Variants in FILIP1L observed in about 807,000 individuals in gnomAD.
FILIP1L encodes filamin A-interacting protein 1-like.
A neutral mutation model predicts 96.6 loss-of-function variants in FILIP1L; 55 were observed. That is an observed-to-expected ratio of 0.57 (90% CI 0.46 to 0.71). The LOEUF (loss-of-function observed/expected upper bound fraction) is 0.71. Among genes scored for constraint, FILIP1L ranks in the 30% least tolerant of loss-of-function variants. The pLI, the probability that FILIP1L is intolerant of heterozygous loss-of-function variation, is 0.00. For synonymous variants in FILIP1L, 467 were observed against 473.9 expected (o/e 0.99, Z 0.19); for missense variants, 1,304 against 1,321.2 (o/e 0.99, Z 0.20).
chr3:99,925,832 T>C, intron 3 of FILIP1L: 1 of 985,368 alleles, frequency 1.0e-6, no homozygotes, highest in Non-Finnish European at 1.2e-6. Context: ...CACAGTCAGA[T>C]GGAGTTAGAC....
chr3:100,041,658 A>G (rs956781146), intron 1 of FILIP1L, among the ~76,000 whole-genome samples: 6 of 152,176 alleles, frequency 3.9e-5, no homozygotes, highest in Admixed American at 3.9e-4. Context: ...AAGAAAATAG[A>G]ATTACTTGTA....
chr3:100,001,312 T>C (rs1337106954), intron 1 of FILIP1L, among the ~76,000 whole-genome samples: 2 of 152,226 alleles, frequency 1.3e-5, no homozygotes, highest in African/African-American at 4.8e-5. Flanking sequence ...ACATATTATC[T>C]ATCGCTGTTT....
intron 1 of FILIP1L, among the ~76,000 whole-genome samples, chr3:99,995,499 C>A (rs1055608767): frequency 6.6e-6 from 1 of 152,188 alleles, no homozygotes; most frequent in Non-Finnish European, 1.5e-5. Flanking sequence ...ATTCTGGGGT[C>A]TGGAGGATGG....
Position 100,033,633 on chromosome 3 carries a change from G to A in FILIP1L, c.-11+80420C>T, listed in dbSNP as rs16841897. Among the ~76,000 whole-genome samples the A allele has an allele frequency of 5.0e-3, 754 of 152,210 alleles. 5 individuals are homozygous for A. Among genetic ancestry groups the A allele is most frequent in the African/African-American group, 0.017 (709 of 41,528 alleles). On this transcript the variant is annotated intron_variant, in intron 1 of 5. Transcript: ENST00000477258. ...TAGCCTGAAAAGCAGATATTAGGAC[G>A]GGAGCTTTTTAAATGGTCAGTAGGA...
chr3:100,111,779 A>ATAGCT (rs1489350945), intron 1 of FILIP1L, among the ~76,000 whole-genome samples: 1 of 152,208 alleles, frequency 6.6e-6, no homozygotes, highest in Non-Finnish European at 1.5e-5. Context: ...TCTAACATCT[A>ATAGCT]TAGCTTGCAC....
chr3:100,056,960 C>T (rs1264967166), intron 1 of FILIP1L, among the ~76,000 whole-genome samples: 1 of 152,048 alleles, frequency 6.6e-6, no homozygotes, highest in Admixed American at 6.5e-5. Flanking sequence ...GCCGAGATCG[C>T]ACCACTGCAC....
intron 1 of FILIP1L, among the ~76,000 whole-genome samples, chr3:100,084,595 T>A (rs2065978707): frequency 6.6e-6 from 1 of 152,184 alleles, no homozygotes; most frequent in Non-Finnish European, 1.5e-5. Flanking sequence ...TAAACAGAGC[T>A]TTATAAAGAG....
intron 1 of FILIP1L, among the ~76,000 whole-genome samples, chr3:100,090,564 C>T (rs147479716): frequency 0.011 from 1,621 of 152,312 alleles, 33 homozygotes; most frequent in African/African-American, 0.036. Flanking sequence ...GTTCTGCAAT[C>T]CCCTGCCTGG....
intron 4 of FILIP1L, among the ~76,000 whole-genome samples, chr3:99,873,241 ACAAT>A (rs1340728753): frequency 2.6e-5 from 4 of 152,250 alleles, no homozygotes; most frequent in East Asian, 1.9e-4. Context: ...CAAAAACTAA[ACAAT>A]CAGTTTAAAT....
At chr3:99,890,668 T>C (rs548883286) in intron 4 of FILIP1L, among the ~76,000 whole-genome samples, 1 of 152,246 alleles carries the variant, frequency 6.6e-6, no homozygotes, top group African/African-American at 2.4e-5. Flanking sequence ...TCTATTTGTT[T>C]TTCTAGTTTG....
intron 5 of FILIP1L, among the ~76,000 whole-genome samples, chr3:99,847,175 A>G (rs1486461504): frequency 6.6e-6 from 1 of 152,094 alleles, no homozygotes; most frequent in African/African-American, 2.4e-5. Context: ...GTTCATAACT[A>G]TCTTTGGCTT....
intron 4 of FILIP1L, among the ~76,000 whole-genome samples, chr3:99,880,933 T>A (rs1043932742): frequency 6.6e-6 from 1 of 152,016 alleles, no homozygotes; most frequent in African/African-American, 2.4e-5. Flanking sequence ...TATATATTTC[T>A]GAATCATGTT....
rs1389212529 is a variant in FILIP1L, at chr3:99,890,747, A to G, written c.605+33483T>C. ...TCCGCTGTTTTTTTTTTTCTGACAT[A>G]TTAAGTATGTCTTACATGCTGTCTG... On this transcript the variant is annotated intron_variant, in intron 4 of 5. Transcript: ENST00000477258. Among the ~76,000 whole-genome samples the G allele has an allele frequency of 3.3e-5, 5 of 151,034 alleles. 1 individual carries two copies. The highest frequency in any genetic ancestry group is 9.7e-5 in the African/African-American group (4 of 41,168).
At chr3:100,065,497 G>A (rs577707212) in intron 1 of FILIP1L, among the ~76,000 whole-genome samples, 55 of 152,244 alleles carry the variant, frequency 3.6e-4, no homozygotes, top group South Asian at 8.3e-4. Flanking sequence ...CCATCTACCC[G>A]TGGCTGCCTC....
At chr3:100,078,788 G>A (rs1037587712) in intron 1 of FILIP1L, among the ~76,000 whole-genome samples, 1 of 152,072 alleles carries the variant, frequency 6.6e-6, no homozygotes, top group African/African-American at 2.4e-5. Context: ...CTACTCGGGA[G>A]GCTAAGGCCG....
intron 4 of FILIP1L, among the ~76,000 whole-genome samples, chr3:99,878,356 GA>G (rs1208264992): frequency 1.3e-5 from 2 of 152,180 alleles, no homozygotes; most frequent in Admixed American, 1.3e-4. Flanking sequence ...ATTCTTTTCA[GA>G]TAAAGACATT....
rs776747155 is a variant in FILIP1L at position 99,850,353 on chromosome 3, G to A, written c.1323C>T (p.Cys441=). 1.9e-6 allele frequency: 3 copies of A among 1,612,972 alleles called. No homozygotes were observed. Among genetic ancestry groups the A allele is most frequent in the Non-Finnish European group, 1.7e-6 (2 of 1,179,828 alleles). Reference sequence around the variant, plus strand: ...TTTCTAAATTGCATTTCAGAGAGTAGCATTCTTGTTTGCTTTTGTTGAAAG... The same window carrying A: ...TTTCTAAATTGCATTTCAGAGAGTAACATTCTTGTTTGCTTTTGTTGAAAG... ...EDAFNKSKQE[C]YSLKCNLEKE... is the part of the protein sequence containing the mutation. The change falls in exon 5 of 6, where the codon TGC becomes TGT. Residue 441 remains cysteine (C), a synonymous_variant. Coordinates refer to ENST00000477258, the MANE Select transcript of FILIP1L (RefSeq NM_001387850.1).
intron 1 of FILIP1L, among the ~76,000 whole-genome samples, chr3:99,985,689 A>G (rs1559714732): frequency 6.6e-6 from 1 of 151,974 alleles, no homozygotes; most frequent in Admixed American, 6.6e-5. Flanking sequence ...CCTGGGTTCA[A>G]GCAATTCTCC....
At chr3:99,904,109 A>G (rs1013657438) in intron 4 of FILIP1L, among the ~76,000 whole-genome samples, 1 of 152,206 alleles carries the variant, frequency 6.6e-6, no homozygotes, top group African/African-American at 2.4e-5. Flanking sequence ...CCCAATTTTC[A>G]GACAAGCACT....
Sources: allele counts gnomAD v4.1 joint callset (sites outside exome capture counted in the v4.1 genomes callset), GRCh38; gene constraint gnomAD v4.1.1; transcripts MANE v1.5; gene names NCBI Gene and HGNC (gene_info 2026-07-23, HGNC 2026-07-21).